The following KIZ variants were observed in gnomAD, a reference collection of about 807,000 sequenced individuals.
The protein encoded by KIZ is kizuna centrosomal protein.
KIZ carries 68 observed loss-of-function variants against 79.6 expected under a neutral mutation model. That is an observed-to-expected ratio of 0.85 (90% CI 0.70 to 1.05). The LOEUF (loss-of-function observed/expected upper bound fraction) is 1.05, where lower values mean the gene tolerates loss of function less well. KIZ is among the 50% of genes least tolerant of loss of function. KIZ has a pLI of 0.00. For synonymous variants in KIZ, 280 were observed against 281.8 expected, an observed-to-expected ratio of 0.99 and a Z score of 0.06; for missense variants, 797 against 800.4, an observed-to-expected ratio of 1.00 and a Z score of 0.05.
At chr20:21,212,918 A>G (rs2036128509) in intron 7 of KIZ, among the ~76,000 whole-genome samples, 1 of 152,220 alleles carries the variant, frequency 6.6e-6, no homozygotes, top group East Asian at 1.9e-4. Flanking sequence ...ATACTGAGCA[A>G]GTCATCCCAA....
intron 9 of KIZ, among the ~76,000 whole-genome samples, chr20:21,220,577 G>A (rs1453128632): frequency 1.3e-5 from 2 of 152,068 alleles, no homozygotes; most frequent in East Asian, 1.9e-4. Context: ...TCTGCCTCCC[G>A]GGTTCAAGCG....
At chr20:21,154,696 A>G (rs954475617) in intron 4 of KIZ, among the ~76,000 whole-genome samples, 2 of 152,230 alleles carry the variant, frequency 1.3e-5, no homozygotes, top group Non-Finnish European at 2.9e-5. Context: ...TTGAATTCCT[A>G]ATATTATTCC....
chr20:21,130,849 A>G (rs1388937169), intron 1 of KIZ, among the ~76,000 whole-genome samples: 1 of 152,222 alleles, frequency 6.6e-6, no homozygotes. Context: ...AAAGGAAAAG[A>G]ACTATTCTGA....
intron 6 of KIZ, among the ~76,000 whole-genome samples, chr20:21,193,368 G>A (rs1412998591): frequency 6.6e-6 from 1 of 152,082 alleles, no homozygotes; most frequent in Non-Finnish European, 1.5e-5. Context: ...CCTCATACAG[G>A]GTCATTTTTG....
intron 6 of KIZ, among the ~76,000 whole-genome samples, chr20:21,187,517 T>G (rs2034928089): frequency 6.6e-6 from 1 of 152,162 alleles, no homozygotes; most frequent in South Asian, 2.1e-4. Flanking sequence ...GAGCCGAAAT[T>G]CAGTAAGCCT....
intron 11 of KIZ, among the ~76,000 whole-genome samples, chr20:21,241,415 G>GCCACGCA (rs1238246589): frequency 6.6e-6 from 1 of 152,218 alleles, no homozygotes; most frequent in East Asian, 1.9e-4. Flanking sequence ...CCGTGGGTAG[G>GCCACGCA]CCACGCACCA....
rs1255949654 is a variant in KIZ, at chr20:21,169,061, A to G, written c.1352+5902A>G. On this transcript the variant is annotated intron_variant, in intron 6 of 12. Transcript: ENST00000619189. ...GTCTAAAACACCAAAAGCAATGGCA[A>G]CAAAAGCCAAAATTGACAAATGGGA... Among the ~76,000 whole-genome samples the G allele has an allele frequency of 2.6e-5, 4 of 152,208 alleles. No individual in the cohort carries two copies. The East Asian group carries it at 7.7e-4, about 29-fold the overall frequency.
At chr20:21,166,446 C>G in intron 6 of KIZ, 1 of 1,590,622 alleles carries the variant, frequency 6.3e-7, no homozygotes, top group South Asian at 1.1e-5. Context: ...TCAATGATTT[C>G]AAATTCGCCA....
chr20:21,221,785 T>A (rs767964499), intron 9 of KIZ, among the ~76,000 whole-genome samples: 2 of 152,172 alleles, frequency 1.3e-5, no homozygotes, highest in Non-Finnish European at 2.9e-5. Context: ...TGGAAAGATA[T>A]AGTGGCTAGG....
intron 7 of KIZ, 108 bp downstream of exon 7, chr20:21,205,692 G>A (rs948276174): frequency 1.1e-5 from 6 of 552,992 alleles, no homozygotes; most frequent in East Asian, 3.1e-5. Context: ...GCCAGGCGCC[G>A]TGGCTCACGC....
At chr20:21,210,936 G>A (rs1180851085) in intron 7 of KIZ, among the ~76,000 whole-genome samples, 2 of 149,684 alleles carry the variant, frequency 1.3e-5, no homozygotes, top group East Asian at 3.9e-4. Context: ...TTTTGTATTA[G>A]GTTAGTAATA....
At chr20:21,135,458 G>A (rs911917365) in intron 2 of KIZ, among the ~76,000 whole-genome samples, 2 of 152,232 alleles carry the variant, frequency 1.3e-5, no homozygotes, top group Non-Finnish European at 2.9e-5. Context: ...TCAAAGCGCA[G>A]AATTATTAAC....
chr20:21,176,725 A>G (rs1225813662), intron 6 of KIZ, among the ~76,000 whole-genome samples: 1 of 152,220 alleles, frequency 6.6e-6, no homozygotes. Context: ...AAAAGAGGAC[A>G]ACGTGCAAGA....
chr20:21,154,311 G>A (rs372309345), intron 4 of KIZ: 1 of 152,116 alleles, frequency 6.6e-6, no homozygotes, highest in East Asian at 1.9e-4. Context: ...AAATGCTGTA[G>A]TTCATAATGA....
intron 6 of KIZ, among the ~76,000 whole-genome samples, chr20:21,189,967 G>C (rs549081086): frequency 6.6e-6 from 1 of 152,176 alleles, no homozygotes; most frequent in African/African-American, 2.4e-5. Context: ...AAAAACACAG[G>C]TTTTGTAAGA....
chr20:21,218,703 ATGTAT>A (rs2036394324), intron 9 of KIZ: 1 of 152,228 alleles, frequency 6.6e-6, no homozygotes, highest in Non-Finnish European at 1.5e-5. Flanking sequence ...ACATACACAC[ATGTAT>A]GTGGAACACT....
At position 21,161,864 on chromosome 20, in the gene KIZ, G is replaced by T; in HGVS notation, c.406-7G>T. 6.3e-7 allele frequency: 1 copy of T among 1,599,660 alleles called. No individual in the cohort carries two copies. Among genetic ancestry groups the T allele is most frequent in the Non-Finnish European group, 8.6e-7 (1 of 1,169,288 alleles). ...ATGTTTAACTCACATCTCTTTTGGT[G>T]TTGCAGGTTGCAGTGCACGAGGGGA... On this transcript the variant is annotated splice_region_variant and splice_polypyrimidine_tract_variant and intron_variant, in intron 4 of 12. Transcript: ENST00000619189.
Position 21,232,740 on chromosome 20 carries a change from A to G in KIZ, c.1790A>G (p.Asn597Ser). 1.3e-6 allele frequency: 2 copies of G among 1,565,714 alleles called. No homozygotes were observed. The highest frequency in any genetic ancestry group is 1.7e-6 in the Non-Finnish European group (2 of 1,143,606). The part of the protein sequence containing the change: ...DASVSHLSGL[N>S]IGSGAFETKT... ...ATGTTTACGCTTATCACAGGTTTGA[A>G]TATTGGCAGCGGTGCATTCGAGACA... The change falls in exon 11 of 13, where the codon AAT (asparagine) becomes AGT (serine). Residue 597 changes from asparagine (N) to serine (S), a missense_variant. Coordinates refer to ENST00000619189, the MANE Select transcript of KIZ (RefSeq NM_018474.6).
Position 21,163,023 on chromosome 20 carries a change from G to T in KIZ, c.1216G>T (p.Asp406Tyr), listed in dbSNP as rs1275991287. 1 of 1,613,938 alleles carries T rather than the reference G, an allele frequency of 6.2e-7. No individual in the cohort carries two copies. The highest frequency in any genetic ancestry group is 8.5e-7 in the Non-Finnish European group (1 of 1,179,842). Reference sequence around the variant, plus strand: ...TCCAGGTGGCAAGATGGAGGGAGAAGATGGAATAGAGGCCTTAAAATTAAT... The same window carrying T: ...TCCAGGTGGCAAGATGGAGGGAGAATATGGAATAGAGGCCTTAAAATTAAT... ...PNPGGKMEGE[D>Y]GIEALKLIHA... Residue 406 changes from aspartate (D) to tyrosine (Y), a missense_variant, in exon 6 of 13, where the codon GAT becomes TAT. By Grantham distance (160) the Asp-to-Tyr change is radical. Coordinates refer to ENST00000619189, the MANE Select transcript of KIZ (RefSeq NM_018474.6).
Sources: allele counts gnomAD v4.1 joint callset (sites outside exome capture counted in the v4.1 genomes callset), GRCh38; gene constraint gnomAD v4.1.1; transcripts MANE v1.5; gene names NCBI Gene and HGNC (gene_info 2026-07-23, HGNC 2026-07-21).